CLEC6A: variants seen among roughly 807,000 people sequenced by gnomAD.
CLEC6A encodes C-type lectin domain family 6 member A.
Under a neutral mutation model 25.7 loss-of-function variants are expected in CLEC6A, and 22 were observed. That is an observed-to-expected ratio of 0.85 (90% CI 0.61 to 1.22). The LOEUF (loss-of-function observed/expected upper bound fraction) is 1.22. Ranked by LOEUF, CLEC6A falls within the 50% of genes most tolerant of loss-of-function variation. CLEC6A has a pLI of 0.00. For missense variants in CLEC6A, 240 were observed against 236.8 expected (o/e 1.01, Z -0.09); for synonymous variants, 92 against 76.7 (o/e 1.20, Z -1.04).
chr12:8,477,051 A>T (rs1365800876), intron 5 of CLEC6A, among the ~76,000 whole-genome samples: 7 of 152,108 alleles, frequency 4.6e-5, no homozygotes, highest in Admixed American at 3.9e-4. Flanking sequence ...CCGCCAGCAT[A>T]AAGGCTCTGT....
intron 5 of CLEC6A, among the ~76,000 whole-genome samples, chr12:8,476,678 A>G (rs781274363): frequency 6.6e-6 from 1 of 152,248 alleles, no homozygotes; most frequent in South Asian, 2.1e-4. Flanking sequence ...GAATTCAGTT[A>G]TACATTATCT....
Position 8,465,486 on chromosome 12 carries a change from T to C in CLEC6A, c.226T>C (p.Trp76Arg). 1.2e-6 allele frequency: 2 copies of C among 1,613,996 alleles called. No individual in the cohort carries two copies. Among genetic ancestry groups the C allele is most frequent in the East Asian group, 2.2e-5 (1 of 44,866 alleles). The change falls in exon 4 of 6, where the codon TGG becomes CGG. Residue 76 changes from tryptophan to arginine, a missense_variant and splice_region_variant. By Grantham distance (101) the Trp-to-Arg change is moderately radical (BLOSUM62 -3). Coordinates refer to ENST00000382073, the MANE Select transcript of CLEC6A (RefSeq NM_001007033.2). ...CFSEGTKVPA[W>R]GCCPASWKSF... Reference sequence around the variant, plus strand: ...TTTTTCATGTAACACAAAAATAGCCTGGGGATGTTGCCCAGCTTCTTGGAA... The same window carrying C: ...TTTTTCATGTAACACAAAAATAGCCCGGGGATGTTGCCCAGCTTCTTGGAA...
intron 3 of CLEC6A, chr12:8,460,884 T>C (rs1939745349): frequency 2.3e-6 from 2 of 880,594 alleles, no homozygotes; most frequent in South Asian, 2.6e-5. Context: ...ATCACGGTGT[T>C]AACCAGCCAA....
intron 3 of CLEC6A, among the ~76,000 whole-genome samples, chr12:8,463,009 AT>A (rs1254647178): frequency 3.9e-5 from 6 of 152,206 alleles, no homozygotes. Context: ...TTTAAAATGT[AT>A]TTACTTGGGT....
At position 8,477,749 on chromosome 12, in the gene CLEC6A, T is replaced by A. The variant is rs1939997478; in HGVS notation, c.*285T>A. On this transcript the variant is annotated 3_prime_UTR_variant, in exon 6 of 6. Coordinates refer to ENST00000382073, the MANE Select transcript of CLEC6A (RefSeq NM_001007033.2). ...CACACTTCATTACACAAATATTTAT[T>A]GTTTCAGAGACTGTACTATTTTGTT... 9.0e-6 allele frequency: 2 copies of A among 221,958 alleles called. No individual in the cohort carries two copies. Among genetic ancestry groups the A allele is most frequent in the African/African-American group, 4.6e-5 (2 of 43,340 alleles). The allele number at this position is 221,958 out of a possible 1,614,324, so 13.7% of individuals were successfully genotyped here.
chr12:8,465,879 A>G (rs1939823013), intron 4 of CLEC6A, among the ~76,000 whole-genome samples: 1 of 152,162 alleles, frequency 6.6e-6, no homozygotes, highest in South Asian at 2.1e-4. Flanking sequence ...GAGTTTGACT[A>G]TTTTAAATAC....
At chr12:8,461,227 C>G in intron 3 of CLEC6A, 3 of 750,404 alleles carry the variant, frequency 4.0e-6, no homozygotes, top group South Asian at 3.1e-5. Flanking sequence ...CCACCGTTAC[C>G]GCTAACATAA....
rs368638846 is a variant in CLEC6A, at chr12:8,456,100, G to T, written c.-12G>T. The T allele has an allele frequency of 6.2e-6, 10 of 1,613,542 alleles. No homozygotes were observed. The highest frequency in any genetic ancestry group is 8.5e-6 in the Non-Finnish European group (10 of 1,179,714). Reference sequence around the variant, plus strand: ...AGGTTCCTGGACCTTCTCAACACAGGGAGCCTGCATAATGATGCAAGAGCA... The same window carrying T: ...AGGTTCCTGGACCTTCTCAACACAGTGAGCCTGCATAATGATGCAAGAGCA... On this transcript the variant is annotated 5_prime_UTR_variant, in exon 1 of 6. Coordinates refer to ENST00000382073, the MANE Select transcript of CLEC6A (RefSeq NM_001007033.2).
intron 1 of CLEC6A, among the ~76,000 whole-genome samples, chr12:8,456,564 T>A (rs1163941136): frequency 2.0e-5 from 3 of 152,192 alleles, no homozygotes; most frequent in Admixed American, 1.3e-4. Flanking sequence ...TTTTAATGCA[T>A]GAAAATTTGA....
At chr12:8,465,401 GTC>G (rs1326440863) in intron 3 of CLEC6A, 81 bp from the exon 4 acceptor site, 2 of 1,329,676 alleles carry the variant, frequency 1.5e-6, no homozygotes, top group African/African-American at 2.9e-5. Flanking sequence ...TTAAGAAACT[GTC>G]TCTACAAAGC....
At chr12:8,475,508 G>T (rs922005720) in intron 4 of CLEC6A, among the ~76,000 whole-genome samples, 1 of 151,888 alleles carries the variant, frequency 6.6e-6, no homozygotes, top group Non-Finnish European at 1.5e-5. Flanking sequence ...TCCAGTTTGA[G>T]TTCAAAGGCC....
chr12:8,457,900 A>G lies in CLEC6A; in HGVS notation c.34A>G (p.Lys12Glu), dbSNP rs1267700125. ...MQEQQPQSTE[K>E]RGWLSLRLWS... ...TTGTTGTCTTCCTGATTGGACAGAG[A>G]AAAGAGGCTGGTTGTCCCTGAGACT... Residue 12 changes from lysine (K) to glutamate (E), a missense_variant and splice_region_variant, in exon 2 of 6, where the codon AAA (lysine) becomes GAA (glutamate). Transcript: ENST00000382073. 2 of 1,613,334 alleles carry G rather than the reference A, an allele frequency of 1.2e-6. No individual in the cohort carries two copies. The highest frequency in any genetic ancestry group is 2.2e-5 in the East Asian group (1 of 44,868).
At chr12:8,463,815 C>T (rs1939794948) in intron 3 of CLEC6A, among the ~76,000 whole-genome samples, 1 of 152,204 alleles carries the variant, frequency 6.6e-6, no homozygotes, top group South Asian at 2.1e-4. Context: ...TCATTATTCT[C>T]AGCATAAATT....
At position 8,456,060 on chromosome 12, in the gene CLEC6A, G is replaced by A. The variant is rs1939671185; in HGVS notation, c.-52G>A. ...CTGAGTCTCTGGGCAACATCTTTAG[G>A]GAGAGAGGTACAAAAGGTTCCTGGA... On this transcript the variant is annotated 5_prime_UTR_variant, in exon 1 of 6. Coordinates refer to ENST00000382073, the MANE Select transcript of CLEC6A (RefSeq NM_001007033.2). 1.3e-6 allele frequency: 2 copies of A among 1,589,438 alleles called. No homozygotes were observed. Among genetic ancestry groups the A allele is most frequent in the African/African-American group, 2.7e-5 (2 of 74,340 alleles).
At chr12:8,476,620 TAG>T (rs1939977147) in intron 5 of CLEC6A, among the ~76,000 whole-genome samples, 1 of 152,112 alleles carries the variant, frequency 6.6e-6, no homozygotes, top group African/African-American at 2.4e-5. Flanking sequence ...TGTACAATTT[TAG>T]TAGAAAAATT....
chr12:8,459,837 C>T, intron 3 of CLEC6A, 139 bp downstream of exon 3: 1 of 641,802 alleles, frequency 1.6e-6, no homozygotes, highest in Non-Finnish European at 2.8e-6. Context: ...TTCATAATTT[C>T]TCTAAACATA....
chr12:8,462,167 T>C, intron 3 of CLEC6A, among the ~76,000 whole-genome samples: 1 of 151,766 alleles, frequency 6.6e-6, no homozygotes, highest in African/African-American at 2.4e-5. Context: ...GAAGGCAGCA[T>C]GCTCCTTAAG....
chr12:8,462,480 T>C (rs372045488), intron 3 of CLEC6A, among the ~76,000 whole-genome samples: 19 of 138,184 alleles, frequency 1.4e-4, no homozygotes, highest in African/African-American at 3.6e-4. Context: ...CCCGATTGTA[T>C]GTTCCATCTA....
intron 4 of CLEC6A, among the ~76,000 whole-genome samples, chr12:8,469,403 C>T (rs1459211778): frequency 4.6e-5 from 7 of 151,912 alleles, no homozygotes; most frequent in Admixed American, 2.0e-4. Flanking sequence ...AAAAGTACCA[C>T]CATCATTCCT....
Sources: allele counts gnomAD v4.1 joint callset (sites outside exome capture counted in the v4.1 genomes callset), GRCh38; gene constraint gnomAD v4.1.1; transcripts MANE v1.5; gene names NCBI Gene and HGNC (gene_info 2026-07-23, HGNC 2026-07-21).